Variants in STX16 observed in about 807,000 individuals in gnomAD.
The protein encoded by STX16 is syntaxin-16.
STX16 carries 28 observed loss-of-function variants against 42.7 expected under a neutral mutation model. The observed-to-expected ratio is 0.66, with a 90% confidence interval of 0.49 to 0.90. The LOEUF (loss-of-function observed/expected upper bound fraction) is 0.90, where lower values mean the gene tolerates loss of function less well. STX16 is among the 40% of genes least tolerant of loss of function. The pLI, the probability that STX16 is intolerant of heterozygous loss-of-function variation, is 0.00. For missense variants in STX16, 361 were observed against 420.9 expected (o/e 0.86, Z 1.24); for synonymous variants, 156 against 155.2 (o/e 1.00, Z -0.04).
rs1046001112 is a variant in STX16, at chr20:58,678,778, T to C, written c.*2487T>C. 6.6e-6 allele frequency: 1 copy of C among 152,230 alleles called. No homozygotes were observed. The highest frequency in any genetic ancestry group is 1.5e-5 in the Non-Finnish European group (1 of 68,068). The allele number at this position is 152,230 out of a possible 1,614,324, so 9.4% of individuals were successfully genotyped here. On this transcript the variant is annotated 3_prime_UTR_variant, in exon 9 of 9. Coordinates refer to ENST00000371141, the MANE Select transcript of STX16 (RefSeq NM_001001433.3). ...CTGTATTTTTCTGTTGAGCCTGTAC[T>C]TGGGGAGAGATCAGTAGCATTTGAG...
intron 7 of STX16, among the ~76,000 whole-genome samples, chr20:58,671,577 A>C (rs1214193079): frequency 1.3e-5 from 2 of 151,788 alleles, no homozygotes; most frequent in Non-Finnish European, 2.9e-5. Flanking sequence ...CTGGGTGCTA[A>C]TTATCAGAGG....
intron 1 of STX16, among the ~76,000 whole-genome samples, chr20:58,655,227 ACAT>A (rs1217695787): frequency 6.6e-6 from 1 of 152,222 alleles, no homozygotes; most frequent in Non-Finnish European, 1.5e-5. Flanking sequence ...CTGAATTTTG[ACAT>A]CTTATTTCAG....
In STX16 at chr20:58,677,071, T is replaced by A. The variant is rs1408455155; in HGVS notation, c.*780T>A. 1 of 152,652 alleles carries A rather than the reference T, an allele frequency of 6.6e-6. No homozygotes were observed. The highest frequency in any genetic ancestry group is 2.4e-5 in the African/African-American group (1 of 41,448). 9.5% of individuals were successfully genotyped at this position (152,652 alleles called of 1,614,324 possible). The stretch of plus-strand genomic sequence containing the variant: ...AACCACCTAAATTTAAGTTGGTGAT[T>A]TAAATGAATCTCACATTAAAAGAAA... On this transcript the variant is annotated 3_prime_UTR_variant, in exon 9 of 9. Coordinates refer to ENST00000371141, the MANE Select transcript of STX16 (RefSeq NM_001001433.3).
chr20:58,661,048 T>G (rs1358694303), intron 2 of STX16, among the ~76,000 whole-genome samples: 1 of 152,062 alleles, frequency 6.6e-6, no homozygotes, highest in African/African-American at 2.4e-5. Context: ...GCTCCCCGCC[T>G]GGGCACGGGG....
chr20:58,665,798 G>A (rs1008457238), intron 2 of STX16, among the ~76,000 whole-genome samples: 11 of 152,164 alleles, frequency 7.2e-5, no homozygotes, highest in African/African-American at 1.4e-4. Context: ...GCTCCTGGAC[G>A]TGCTGGGATT....
At chr20:58,652,377 C>A (rs527822187) in intron 1 of STX16, 6 of 586,114 alleles carry the variant, frequency 1.0e-5, no homozygotes, top group Middle Eastern at 4.6e-4. Flanking sequence ...CAGCACCCCC[C>A]CCCCCGCACC....
At chr20:58,652,161 C>T in intron 1 of STX16, 23 bp downstream of exon 1, 1 of 1,612,538 alleles carries the variant, frequency 6.2e-7, no homozygotes, top group Non-Finnish European at 8.5e-7. Context: ...GCGGCCTCTC[C>T]GACACACGGA....
chr20:58,671,371 T>C, intron 7 of STX16, 74 bp downstream of exon 7: 1 of 1,484,862 alleles, frequency 6.7e-7, no homozygotes, highest in Non-Finnish European at 9.0e-7. Context: ...CTGTACTCCT[T>C]TCAGGGAAAA....
In STX16 at chr20:58,669,592, G is replaced by A. The variant is rs553875655; in HGVS notation, c.556+139G>A. ...ACATGCTCATACCTTGTACAGTAAA[G>A]GGAAGCCTCCTCCCCATGTGAAACC... On this transcript the variant is annotated intron_variant, in intron 5 of 8. Transcript: ENST00000371141. The A allele has an allele frequency of 8.3e-6, 9 of 1,081,410 alleles. No individual in the cohort carries two copies. In the African/African-American group the frequency reaches 1.3e-4, roughly 16 times the overall value. The allele number at this position is 1,081,410 out of a possible 1,614,324, so 67.0% of individuals were successfully genotyped here. A position where few individuals can be genotyped will look rare whatever the true frequency, so the allele number is the denominator to read the frequency against.
chr20:58,651,929 C>T lies in STX16; in HGVS notation c.-78C>T. The stretch of plus-strand genomic sequence containing the variant: ...TCCGTGAAAGGGTGGGCCAGCCGGG[C>T]CACGAGAAAGAAAGTGAATAAATCA... On this transcript the variant is annotated 5_prime_UTR_variant, in exon 1 of 9. Transcript: ENST00000371141. The T allele has an allele frequency of 6.7e-7, 1 of 1,503,176 alleles. No individual in the cohort carries two copies. Among genetic ancestry groups the T allele is most frequent in the African/African-American group, 1.4e-5 (1 of 72,728 alleles). 93.1% of individuals were successfully genotyped at this position (1,503,176 alleles called of 1,614,324 possible).
rs1451946128 is a variant in STX16, at chr20:58,670,542, A to G, written c.587A>G (p.His196Arg). ...RMKNREERSQ[H>R]FFDTSVPLMD... ...AAGAATCGAGAGGAAAGATCCCAGC[A>G]TTTTTTCGACACATCAGTACCACTA... Residue 196 changes from histidine (H) to arginine (R), a missense_variant, in exon 6 of 9, where the codon CAT (histidine) becomes CGT (arginine). By Grantham distance (29) the His-to-Arg change is conservative. Transcript: ENST00000371141. The G allele has an allele frequency of 1.4e-5, 23 of 1,614,094 alleles. No individual in the cohort carries two copies. The highest frequency in any genetic ancestry group is 1.9e-5 in the Non-Finnish European group (23 of 1,179,976).
intron 1 of STX16, among the ~76,000 whole-genome samples, chr20:58,656,158 G>A (rs532119348): frequency 1.2e-4 from 19 of 152,308 alleles, no homozygotes; most frequent in Middle Eastern, 6.8e-3. Context: ...TGTAAACTGA[G>A]GGGTTTGGGT....
At chr20:58,667,845 G>A in intron 3 of STX16, 142 bp from the exon 4 acceptor site, 1 of 1,130,790 alleles carries the variant, frequency 8.8e-7, no homozygotes, top group Non-Finnish European at 1.2e-6. Context: ...GTGATTTTCT[G>A]GTAATTTGAA....
chr20:58,661,907 A>G (rs1407948705), intron 2 of STX16, among the ~76,000 whole-genome samples: 1 of 152,252 alleles, frequency 6.6e-6, no homozygotes, highest in African/African-American at 2.4e-5. Context: ...CTCCCAGAGT[A>G]AAGGCATCTG....
Position 58,651,933 on chromosome 20 carries a change from G to C in STX16, c.-74G>C, listed in dbSNP as rs1426877913. The C allele has an allele frequency of 1.3e-5, 20 of 1,528,688 alleles. No homozygotes were observed. Among genetic ancestry groups the C allele is most frequent in the Admixed American group, 5.2e-5 (3 of 57,600 alleles). The allele number at this position is 1,528,688 out of a possible 1,614,324, so 94.7% of individuals were successfully genotyped here. A position where few individuals can be genotyped will look rare whatever the true frequency, so the allele number is the denominator to read the frequency against. The stretch of plus-strand genomic sequence containing the variant: ...TGAAAGGGTGGGCCAGCCGGGCCAC[G>C]AGAAAGAAAGTGAATAAATCAGGAA... On this transcript the variant is annotated 5_prime_UTR_variant, in exon 1 of 9. Coordinates refer to ENST00000371141, the MANE Select transcript of STX16 (RefSeq NM_001001433.3).
At chr20:58,673,865 A>G (rs1410368318) in intron 8 of STX16, among the ~76,000 whole-genome samples, 154 bp downstream of exon 8, 1 of 152,256 alleles carries the variant, frequency 6.6e-6, no homozygotes, top group East Asian at 1.9e-4. Context: ...CATTTCATTT[A>G]AAGCCAATTG....
rs1388402555 is a variant in STX16, at chr20:58,652,036, C to G, written c.30C>G (p.Phe10Leu). 1 of 1,614,052 alleles carries G rather than the reference C, an allele frequency of 6.2e-7. No individual in the cohort carries two copies. The highest frequency in any genetic ancestry group is 1.3e-5 in the African/African-American group (1 of 74,920). The change falls in exon 1 of 9, where the codon TTC (phenylalanine) becomes TTG (leucine). Residue 10 changes from phenylalanine to leucine, a missense_variant. Coordinates refer to ENST00000371141, the MANE Select transcript of STX16 (RefSeq NM_001001433.3). The part of the protein sequence containing the change: MATRRLTDA[F>L]LLLRNNSIQN... ...CCACCAGGCGTTTAACCGACGCTTT[C>G]TTGTTGTTGCGGAATAATTCCATCC...
intron 1 of STX16, among the ~76,000 whole-genome samples, chr20:58,653,315 A>G (rs2083515398): frequency 6.6e-6 from 1 of 152,206 alleles, no homozygotes; most frequent in African/African-American, 2.4e-5. Flanking sequence ...ATATGTCATG[A>G]TTATCATGTC....
At chr20:58,675,150 C>G (rs746326597) in intron 8 of STX16, among the ~76,000 whole-genome samples, 13 of 152,104 alleles carry the variant, frequency 8.5e-5, no homozygotes, top group Non-Finnish European at 1.8e-4. Context: ...GAGCTGCTCC[C>G]CATGACCGGA....
Sources: gnomAD v4.1 joint callset for allele counts (sites outside exome capture counted in the v4.1 genomes callset) on GRCh38, gnomAD v4.1.1 for gene constraint, MANE v1.5 for transcripts, NCBI Gene and HGNC (gene_info 2026-07-23, HGNC 2026-07-21) for gene names.